BTBD16: variants seen among roughly 807,000 people sequenced by gnomAD.
BTBD16 encodes the protein BTB domain containing 16.
A neutral mutation model predicts 67.4 loss-of-function variants in BTBD16; 66 were observed. The ratio of observed to expected loss-of-function variants is 0.98; its 90% confidence interval spans 0.80 to 1.20. The LOEUF (loss-of-function observed/expected upper bound fraction) is 1.20, where lower values mean the gene tolerates loss of function less well. Ranked by LOEUF, BTBD16 falls within the 50% of genes most tolerant of loss-of-function variation. BTBD16 has a pLI of 0.00. For synonymous variants in BTBD16, 242 were observed against 236.4 expected, an observed-to-expected ratio of 1.02 and a Z score of -0.22; for missense variants, 634 against 616.0, an observed-to-expected ratio of 1.03 and a Z score of -0.31.
intron 1 of BTBD16, among the ~76,000 whole-genome samples, chr10:122,272,920 G>C (rs962144723): frequency 5.3e-5 from 8 of 151,894 alleles, no homozygotes; most frequent in African/African-American, 1.5e-4. Context: ...AAATTAAACA[G>C]CCAATAAATA....
intron 5 of BTBD16, 60 bp downstream of exon 5, chr10:122,286,308 G>C (rs1298201043): frequency 6.5e-7 from 1 of 1,536,992 alleles, no homozygotes; most frequent in Admixed American, 2.0e-5. Context: ...GACGGTCCCA[G>C]CTTGGAACAT....
chr10:122,326,820 C>T (rs1474326771), intron 10 of BTBD16, among the ~76,000 whole-genome samples: 1 of 152,134 alleles, frequency 6.6e-6, no homozygotes, highest in Non-Finnish European at 1.5e-5. Flanking sequence ...AGGCATAGAC[C>T]ATCGCCTGAA....
chr10:122,288,122 C>G (rs2096367154), intron 5 of BTBD16, among the ~76,000 whole-genome samples: 1 of 151,974 alleles, frequency 6.6e-6, no homozygotes, highest in African/African-American at 2.4e-5. Context: ...AGGGGACAGA[C>G]AAGCCCAAAA....
At chr10:122,281,584 A>G (rs2096353260) in intron 3 of BTBD16, among the ~76,000 whole-genome samples, 1 of 152,148 alleles carries the variant, frequency 6.6e-6, no homozygotes, top group African/African-American at 2.4e-5. Context: ...TATTTAACAC[A>G]TCATAACTCC....
At chr10:122,301,827 C>A (rs1228689975) in intron 9 of BTBD16, among the ~76,000 whole-genome samples, 2 of 152,138 alleles carry the variant, frequency 1.3e-5, no homozygotes, top group African/African-American at 4.8e-5. Flanking sequence ...AGTTATTATC[C>A]CTGATATAAG....
rs2142040356 is a variant in BTBD16 at position 122,275,180 on chromosome 10, G to C, written c.18+81G>C. The C allele has an allele frequency of 3.5e-6, 5 of 1,412,112 alleles. No individual in the cohort carries two copies. In the South Asian group the frequency reaches 5.8e-5, roughly 16 times the overall value. The allele number at this position is 1,412,112 out of a possible 1,614,324, so 87.5% of individuals were successfully genotyped here. A position where few individuals can be genotyped will look rare whatever the true frequency, so the allele number is the denominator to read the frequency against. ...GTCATTTTGACAAATTTCCACAAGG[G>C]GCTGGGTTCTGCACCACCGAGGACC... On this transcript the variant is annotated intron_variant, in intron 2 of 15. Coordinates refer to ENST00000260723, the MANE Select transcript of BTBD16 (RefSeq NM_144587.5).
chr10:122,312,314 T>G (rs906814834), intron 10 of BTBD16, among the ~76,000 whole-genome samples: 119 of 28,428 alleles, frequency 4.2e-3, no homozygotes, highest in African/African-American at 0.022. Flanking sequence ...TTTTTCTTTT[T>G]TTTTTTTTTT....
chr10:122,287,493 G>A, intron 5 of BTBD16: 1 of 985,392 alleles, frequency 1.0e-6, no homozygotes, highest in Non-Finnish European at 1.2e-6. Context: ...AGACAAGAGG[G>A]AAGGTGCAGA....
chr10:122,287,927 A>G (rs2096366883), intron 5 of BTBD16, among the ~76,000 whole-genome samples: 1 of 152,198 alleles, frequency 6.6e-6, no homozygotes, highest in South Asian at 2.1e-4. Flanking sequence ...GTATGAACAA[A>G]TTATTGATAT....
chr10:122,302,635 A>G (rs1244252440), intron 9 of BTBD16, among the ~76,000 whole-genome samples: 1 of 152,204 alleles, frequency 6.6e-6, no homozygotes. Flanking sequence ...CAAGGTTCCT[A>G]TGGGTGTCTG....
chr10:122,280,781 A>G (rs2096351314), intron 3 of BTBD16, among the ~76,000 whole-genome samples: 1 of 152,050 alleles, frequency 6.6e-6, no homozygotes, highest in South Asian at 2.1e-4. Flanking sequence ...CTACGTGTAT[A>G]TTCAGGGATG....
At chr10:122,272,708 G>C (rs965103769) in intron 1 of BTBD16, among the ~76,000 whole-genome samples, 1 of 125,228 alleles carries the variant, frequency 8.0e-6, no homozygotes, top group African/African-American at 3.5e-5. Context: ...CACACACACA[G>C]GACATATTTT....
At chr10:122,298,944 C>A (rs1309856984) in intron 8 of BTBD16, 60 bp from the exon 9 acceptor site, 5 of 1,596,154 alleles carry the variant, frequency 3.1e-6, no homozygotes, top group Non-Finnish European at 4.3e-6. Context: ...TCGTCTCAGG[C>A]CAGCAGAGGG....
At position 122,298,986 on chromosome 10, in the gene BTBD16, G is replaced by T; in HGVS notation, c.661-18G>T. 1 of 1,612,654 alleles carries T rather than the reference G, an allele frequency of 6.2e-7. No individual in the cohort carries two copies. On this transcript the variant is annotated intron_variant, in intron 8 of 15. Transcript: ENST00000260723. ...GAGCTCAGGACTTCCTTCATCAACT[G>T]GCTTTTTTTTGTCTTAGTACAAGGA... is the stretch of plus-strand genomic sequence containing the variant.
At chr10:122,284,892 T>C (rs983027091) in intron 4 of BTBD16, among the ~76,000 whole-genome samples, 3 of 152,066 alleles carry the variant, frequency 2.0e-5, no homozygotes, top group African/African-American at 7.2e-5. Flanking sequence ...AAAGTGGAAA[T>C]TGACATCCAG....
Position 122,276,794 on chromosome 10 carries a change from A to G in BTBD16, c.22A>G (p.Lys8Glu), listed in dbSNP as rs147443532. MIMSNTHKARLERRVTGS... is the reference protein window; with the variant it reads MIMSNTHEARLERRVTGS... The stretch of plus-strand genomic sequence containing the variant: ...TCTTTCTTTGATTACCAAGCAGCAC[A>G]AAGCTCGGCTGGAACGCCGGGTCAC... The change falls in exon 3 of 16, where the codon AAA becomes GAA. Residue 8 changes from lysine (K) to glutamate (E), a missense_variant. Coordinates refer to ENST00000260723, the MANE Select transcript of BTBD16 (RefSeq NM_144587.5). 7 of 1,613,768 alleles carry G rather than the reference A, an allele frequency of 4.3e-6. No individual in the cohort carries two copies. Among genetic ancestry groups the G allele is most frequent in the Non-Finnish European group, 5.9e-6 (7 of 1,179,864 alleles).
intron 9 of BTBD16, among the ~76,000 whole-genome samples, chr10:122,299,651 T>C (rs1194165660): frequency 1.3e-5 from 2 of 151,864 alleles, no homozygotes; most frequent in Non-Finnish European, 2.9e-5. Flanking sequence ...ACCATCTGAC[T>C]AGCGGATCAA....
intron 9 of BTBD16, among the ~76,000 whole-genome samples, chr10:122,303,039 A>G (rs1396117036): frequency 6.6e-6 from 1 of 152,238 alleles, no homozygotes; most frequent in Non-Finnish European, 1.5e-5. Flanking sequence ...TAAAAAAAGT[A>G]TATCTCCTTG....
chr10:122,332,354 C>A, intron 12 of BTBD16, 82 bp from the exon 13 acceptor site: 2 of 1,346,866 alleles, frequency 1.5e-6, no homozygotes, highest in South Asian at 1.3e-5. Context: ...GGGCAGGGGT[C>A]AAGGAAGAGG....
Sources: gnomAD v4.1 joint callset for allele counts (sites outside exome capture counted in the v4.1 genomes callset) on GRCh38, gnomAD v4.1.1 for gene constraint, MANE v1.5 for transcripts, NCBI Gene and HGNC (gene_info 2026-07-23, HGNC 2026-07-21) for gene names.